The following SLIT3 variants were observed in gnomAD, a reference collection of about 807,000 sequenced individuals.
SLIT3 encodes the protein slit homolog 3 protein.
Under a neutral mutation model 184.0 loss-of-function variants are expected in SLIT3, and 68 were observed. The ratio of observed to expected loss-of-function variants is 0.37; its 90% CI spans 0.30 to 0.45. The LOEUF (loss-of-function observed/expected upper bound fraction) is 0.45. SLIT3 is among the 20% of genes least tolerant of loss of function. The pLI, the probability that SLIT3 is intolerant of heterozygous loss-of-function variation, is 1.00. For synonymous variants in SLIT3, 831 were observed against 828.6 expected (o/e 1.00, Z -0.05); for missense variants, 1,707 against 2,026.0 (o/e 0.84, Z 3.02).
At chr5:168,673,382 A>G (rs771183124) in intron 32 of SLIT3, 51 bp from the exon 33 acceptor site, 19 of 1,572,706 alleles carry the variant, frequency 1.2e-5, no homozygotes, top group Non-Finnish European at 1.7e-5. Context: ...AGGGCCTTCC[A>G]TGGCTGGGCC....
rs116598347 is a variant in SLIT3 at position 168,691,545 on chromosome 5, T to C, written c.3176+1062A>G. 3.4e-3 allele frequency among the ~76,000 whole-genome samples: 514 copies of C among 152,276 alleles called. 1 individual carries two copies. Among genetic ancestry groups the C allele is most frequent in the African/African-American group, 0.012 (492 of 41,560 alleles). On this transcript the variant is annotated intron_variant, in intron 29 of 35. Transcript: ENST00000519560. ...GGCTGGAGATGCCACTGGTGGGCATTCTCCTTAAAGACTCATCAGCACAGG... is the reference window on the plus strand; with the variant it reads ...GGCTGGAGATGCCACTGGTGGGCATCCTCCTTAAAGACTCATCAGCACAGG...
intron 4 of SLIT3, among the ~76,000 whole-genome samples, chr5:169,142,059 AT>A (rs1395555585): frequency 5.8e-5 from 7 of 119,716 alleles, no homozygotes; most frequent in South Asian, 2.5e-4. Flanking sequence ...CAAAAAAAAA[AT>A]AAAAATAAAA....
chr5:169,297,895 C>T (rs1010277675), intron 1 of SLIT3, among the ~76,000 whole-genome samples: 1 of 152,212 alleles, frequency 6.6e-6, no homozygotes, highest in African/African-American at 2.4e-5. Flanking sequence ...CCACTGCGCC[C>T]GGCTTCAAGT....
At chr5:169,048,041 GCT>G (rs1171032181) in intron 4 of SLIT3, among the ~76,000 whole-genome samples, 3 of 152,184 alleles carry the variant, frequency 2.0e-5, no homozygotes, top group African/African-American at 7.2e-5. Context: ...GTCAAACTCT[GCT>G]CTGTCACTGC....
chr5:168,777,802 G>A (rs1274704275), intron 12 of SLIT3, among the ~76,000 whole-genome samples: 1 of 152,210 alleles, frequency 6.6e-6, no homozygotes, highest in Non-Finnish European at 1.5e-5. Context: ...CTGGTCCCCA[G>A]CATCAGCAAG....
chr5:169,227,718 G>A (rs866890147), intron 3 of SLIT3, among the ~76,000 whole-genome samples: 11 of 152,168 alleles, frequency 7.2e-5, no homozygotes, highest in Admixed American at 3.9e-4. Context: ...GTGCCACCGC[G>A]CCCAGACCTT....
chr5:168,748,342 G>A lies in SLIT3; in HGVS notation c.2230C>T (p.Arg744Cys), dbSNP rs772402436. The A allele has an allele frequency of 2.7e-6, 4 of 1,494,652 alleles. No homozygotes were observed. The highest frequency in any genetic ancestry group is 3.5e-6 in the Non-Finnish European group (4 of 1,128,546). The allele number at this position is 1,494,652 out of a possible 1,614,324, so 92.6% of individuals were successfully genotyped here. A position where few individuals can be genotyped will look rare whatever the true frequency, so the allele number is the denominator to read the frequency against. The change falls in exon 20 of 36, where the codon CGC becomes TGC. Residue 744 changes from arginine to cysteine, a missense_variant. Physicochemically the swap from Arg to Cys is radical, Grantham distance 180 (BLOSUM62 -3). This residue lies in a region of SLIT3 where 1,307 missense variants were observed against 1,511.6 expected (regional missense o/e 0.86). Coordinates refer to ENST00000519560, the MANE Select transcript of SLIT3 (RefSeq NM_003062.4). ...TTGGGCATGCCTCTGGGGAGGGCGC[G>A]GAGCCCCTTGTTGCTGCATCGCACC... ...TVVRCSNKGLRALPRGMPKDV... is the reference protein window; with the variant it reads ...TVVRCSNKGLCALPRGMPKDV...
At chr5:169,054,904 C>T (rs1401534824) in intron 4 of SLIT3, among the ~76,000 whole-genome samples, 1 of 152,148 alleles carries the variant, frequency 6.6e-6, no homozygotes, top group Non-Finnish European at 1.5e-5. Flanking sequence ...ACAATGCACA[C>T]ATTTGTTCTG....
intron 1 of SLIT3, among the ~76,000 whole-genome samples, chr5:169,293,622 T>C (rs1767419093): frequency 6.6e-6 from 1 of 152,188 alleles, no homozygotes; most frequent in East Asian, 1.9e-4. Flanking sequence ...TATTCCCATT[T>C]TGCAAATGGG....
intron 4 of SLIT3, among the ~76,000 whole-genome samples, chr5:169,028,513 T>C (rs1258014654): frequency 6.6e-6 from 1 of 152,256 alleles, no homozygotes; most frequent in Non-Finnish European, 1.5e-5. Context: ...ATATAACACA[T>C]GTAAAGTGCC....
At chr5:169,129,826 TTTTGTTTG>T (rs374300617) in intron 4 of SLIT3, among the ~76,000 whole-genome samples, 3,251 of 151,112 alleles carry the variant, frequency 0.022, 52 homozygotes, top group East Asian at 0.055. Flanking sequence ...TGGTGGTTTT[TTTTGTTTG>T]TTTGTTTGTT....
chr5:168,875,499 TGGCA>T (rs911701422), intron 5 of SLIT3, among the ~76,000 whole-genome samples: 2 of 151,940 alleles, frequency 1.3e-5, no homozygotes, highest in African/African-American at 4.8e-5. Flanking sequence ...CCAGGTGTGG[TGGCA>T]GGCACCGGTA....
intron 4 of SLIT3, among the ~76,000 whole-genome samples, chr5:168,935,639 A>C (rs539339741): frequency 6.6e-6 from 1 of 152,332 alleles, no homozygotes; most frequent in South Asian, 2.1e-4. Flanking sequence ...ACATGCCTCT[A>C]ACTCCTGGCC....
chr5:168,888,594 T>C (rs1760315440), intron 4 of SLIT3, among the ~76,000 whole-genome samples: 1 of 152,196 alleles, frequency 6.6e-6, no homozygotes, highest in Admixed American at 6.5e-5. Context: ...CAAGGGAAAC[T>C]AACTGACCAA....
intron 4 of SLIT3, among the ~76,000 whole-genome samples, chr5:169,170,737 T>TA (rs1359438376): frequency 6.6e-6 from 1 of 150,944 alleles, no homozygotes; most frequent in Non-Finnish European, 1.5e-5. Flanking sequence ...AGCTCATTTT[T>TA]AAAAAATGGT....
chr5:169,011,938 C>A (rs1756171356), intron 4 of SLIT3, among the ~76,000 whole-genome samples: 1 of 126,838 alleles, frequency 7.9e-6, no homozygotes, highest in Non-Finnish European at 1.6e-5. Context: ...GAGTAATATT[C>A]TTTCTTGCTT....
In SLIT3 at chr5:168,919,184, C is replaced by T. The variant is rs1214760596; in HGVS notation, c.414-35848G>A. On this transcript the variant is annotated intron_variant, in intron 4 of 35. Coordinates refer to ENST00000519560, the MANE Select transcript of SLIT3 (RefSeq NM_003062.4). ...CTGAGGCAAGAGAATGGCGTGAACC[C>T]GGGAGGCGGAGGTTGCAGTGAGCCG... 3.4e-5 allele frequency among the ~76,000 whole-genome samples: 5 copies of T among 149,098 alleles called. No homozygotes were observed. The East Asian group carries it at 6.0e-4, about 18-fold the overall frequency.
intron 4 of SLIT3, among the ~76,000 whole-genome samples, chr5:169,128,026 T>C (rs952449993): frequency 2.0e-5 from 3 of 152,024 alleles, no homozygotes; most frequent in Admixed American, 1.3e-4. Flanking sequence ...AAATGTACCA[T>C]AGAATGATTA....
At position 169,079,822 on chromosome 5, in the gene SLIT3, A is replaced by AGGAGGAGGAGGGG. The variant is rs1758933532; in HGVS notation, c.413+113656_413+113657insCCCCTCCTCCTCC. On this transcript the variant is annotated intron_variant, in intron 4 of 35. Coordinates refer to ENST00000519560, the MANE Select transcript of SLIT3 (RefSeq NM_003062.4). ...AGGAAGAGGGAAGGGGAAGAGGAGG[A>AGGAGGAGGAGGGG]GGGAGGAGGAGGAGGGAGGGAGGAG... Among the ~76,000 whole-genome samples the AGGAGGAGGAGGGG allele has an allele frequency of 4.0e-5, 2 of 49,788 alleles. 1 individual carries two copies. Among genetic ancestry groups the AGGAGGAGGAGGGG allele is most frequent in the Non-Finnish European group, 7.4e-5 (2 of 27,098 alleles). The allele number at this position is 49,788 out of a possible 152,430, so 32.7% of individuals were successfully genotyped here. A position where few individuals can be genotyped will look rare whatever the true frequency, so the allele number is the denominator to read the frequency against.
Sources: gnomAD v4.1 joint callset for allele counts (sites outside exome capture counted in the v4.1 genomes callset) on GRCh38, gnomAD v4.1.1 for gene constraint, gnomAD v4.1.1 regional missense constraint, MANE v1.5 for transcripts, NCBI Gene and HGNC (gene_info 2026-07-23, HGNC 2026-07-21) for gene names.